The following SETD5 variants were observed in gnomAD, a reference collection of about 807,000 sequenced individuals.
SETD5 encodes histone-lysine N-methyltransferase SETD5.
A neutral mutation model predicts 153.3 loss-of-function variants in SETD5; 44 were observed. The observed-to-expected ratio is 0.29, with a 90% confidence interval of 0.23 to 0.37. The LOEUF is 0.37. Among genes scored for constraint, SETD5 ranks in the 10% least tolerant of loss-of-function variants. The pLI is 1.00. For missense variants in SETD5, 1,544 were observed against 1,768.0 expected (o/e 0.87, Z 2.27); for synonymous variants, 716 against 645.2 (o/e 1.11, Z -1.66).
At position 9,448,368 on chromosome 3, in the gene SETD5, T is replaced by A; in HGVS notation, c.2104-20T>A. ...TGCTACCTCTTGATTTATAAACTAA[T>A]GATCTCTTTTTTACCTTAGTATCTA... On this transcript the variant is annotated intron_variant, in intron 15 of 22. Coordinates refer to ENST00000402198, the MANE Select transcript of SETD5 (RefSeq NM_001080517.3). The A allele has an allele frequency of 1.2e-6, 2 of 1,611,736 alleles. No individual in the cohort carries two copies. The highest frequency in any genetic ancestry group is 1.7e-6 in the Non-Finnish European group (2 of 1,178,424).
At chr3:9,424,186 A>C (rs2038817795) in intron 1 of SETD5, among the ~76,000 whole-genome samples, 1 of 152,196 alleles carries the variant, frequency 6.6e-6, no homozygotes, top group South Asian at 2.1e-4. Context: ...GATAATTCTA[A>C]TTTGAAGGAA....
At chr3:9,466,664 G>T (rs2044619944) in intron 18 of SETD5, among the ~76,000 whole-genome samples, 1 of 152,232 alleles carries the variant, frequency 6.6e-6, no homozygotes, top group African/African-American at 2.4e-5. Flanking sequence ...AGTACAGAGA[G>T]GTGGGGAGCC....
chr3:9,453,860 A>C lies in SETD5; in HGVS notation c.2468A>C (p.Asp823Ala). The part of the protein sequence containing the change: ...ENSSSSSICK[D>A]NADLLSPLKK... ...AGTAGCTCTTCTAGTATCTGCAAAG[A>C]CAATGCAGGTACGTATCTAAAACCT... Residue 823 changes from aspartate (D) to alanine (A), a missense_variant, in exon 17 of 23, where the codon GAC (aspartate) becomes GCC (alanine). Coordinates refer to ENST00000402198, the MANE Select transcript of SETD5 (RefSeq NM_001080517.3). 6.3e-7 allele frequency: 1 copy of C among 1,579,762 alleles called. No homozygotes were observed. Among genetic ancestry groups the C allele is most frequent in the Non-Finnish European group, 8.6e-7 (1 of 1,169,432 alleles).
At chr3:9,435,671 C>G in intron 6 of SETD5, 57 bp from the exon 7 acceptor site, 2 of 1,441,630 alleles carry the variant, frequency 1.4e-6, no homozygotes. Context: ...GAATAAGCTA[C>G]TTTTAATGTA....
At chr3:9,456,094 AG>A (rs2043204172) in intron 17 of SETD5, among the ~76,000 whole-genome samples, 1 of 152,196 alleles carries the variant, frequency 6.6e-6, no homozygotes, top group African/African-American at 2.4e-5. Flanking sequence ...ACATTAAGAA[AG>A]GGGAAAGGAT....
intron 1 of SETD5, among the ~76,000 whole-genome samples, chr3:9,411,141 G>A (rs1019159529): frequency 6.6e-6 from 1 of 152,026 alleles, no homozygotes; most frequent in Non-Finnish European, 1.5e-5. Context: ...CACCGCACCT[G>A]GCCAAAATTC....
At chr3:9,407,568 CCAAGGGAGATGA>C (rs950587017) in intron 1 of SETD5, among the ~76,000 whole-genome samples, 4 of 152,006 alleles carry the variant, frequency 2.6e-5, no homozygotes, top group Non-Finnish European at 5.9e-5. Context: ...ACTATGCCAG[CCAAGGGAGATGA>C]AAAACAATTT....
rs140249010 is a variant in SETD5 at position 9,474,260 on chromosome 3, GGTT to G, written c.3498-181_3498-179del. 0.01 allele frequency among the ~76,000 whole-genome samples: 1,593 copies of G among 152,270 alleles called. 34 individuals are homozygous for G. The highest frequency in any genetic ancestry group is 0.036 in the African/African-American group (1,489 of 41,558). On this transcript the variant is annotated intron_variant, in intron 20 of 22. Coordinates refer to ENST00000402198, the MANE Select transcript of SETD5 (RefSeq NM_001080517.3). The stretch of plus-strand genomic sequence containing the variant: ...CCTTGATTTCTTTTTCTTTAAAAGT[GGTT>G]GTTGTTGATGTTTCTCTTTTGTGCC...
chr3:9,399,915 A>G (rs2034484944), intron 1 of SETD5, among the ~76,000 whole-genome samples: 1 of 151,836 alleles, frequency 6.6e-6, no homozygotes, highest in East Asian at 1.9e-4. Flanking sequence ...GGGTGAGTAT[A>G]CAAGGCAGCA....
Position 9,440,707 on chromosome 3 carries a change from C to A in SETD5, c.810+9C>A. 6.2e-7 allele frequency: 1 copy of A among 1,610,976 alleles called. No homozygotes were observed. The highest frequency in any genetic ancestry group is 8.5e-7 in the Non-Finnish European group (1 of 1,178,552). Reference sequence around the variant, plus strand: ...TTGGTTCCCAAATGCAGGTAAGCACCAAAGGGTTGAGGACTCTCTAAGTAG... The same window carrying A: ...TTGGTTCCCAAATGCAGGTAAGCACAAAAGGGTTGAGGACTCTCTAAGTAG... On this transcript the variant is annotated intron_variant, in intron 8 of 22. Coordinates refer to ENST00000402198, the MANE Select transcript of SETD5 (RefSeq NM_001080517.3).
intron 6 of SETD5, 30 bp from the exon 7 acceptor site, chr3:9,435,698 T>C: frequency 6.5e-7 from 1 of 1,538,300 alleles, no homozygotes; most frequent in African/African-American, 1.4e-5. Flanking sequence ...AGGCTATTAG[T>C]ACCTGAACTA....
Position 9,475,483 on chromosome 3 carries a change from C to T in SETD5, c.3721C>T (p.Leu1241Phe). 6 of 1,607,390 alleles carry T rather than the reference C, an allele frequency of 3.7e-6. No homozygotes were observed. Among genetic ancestry groups the T allele is most frequent in the Non-Finnish European group, 5.1e-6 (6 of 1,174,764 alleles). ...TTCGTTTCCTCCCAACTTTGTCTAG[C>T]TCCTGCAGTGTGATAGTCCTCGGAC... ...VYSPSRYSYQ[L>F]LQCDSPRTES... Residue 1241 changes from leucine to phenylalanine, a missense_variant and splice_region_variant, in exon 23 of 23, where the codon CTC becomes TTC. By Grantham distance (22) the Leu-to-Phe change is conservative. Transcript: ENST00000402198.
intron 17 of SETD5, among the ~76,000 whole-genome samples, chr3:9,458,693 A>C (rs2043555363): frequency 6.6e-6 from 1 of 152,208 alleles, no homozygotes; most frequent in Admixed American, 6.5e-5. Context: ...GGATTAGTAC[A>C]TTGGGGAAAG....
At chr3:9,435,932 TA>T in intron 7 of SETD5, 26 bp downstream of exon 7, 2 of 1,538,916 alleles carry the variant, frequency 1.3e-6, no homozygotes, top group Non-Finnish European at 1.7e-6. Context: ...ATATCTTAAA[TA>T]GAAATTGTCT....
intron 11 of SETD5, among the ~76,000 whole-genome samples, 158 bp from the exon 12 acceptor site, chr3:9,444,890 A>G (rs2041753255): frequency 6.6e-6 from 1 of 152,180 alleles, no homozygotes. Flanking sequence ...AAAAAGAAAA[A>G]CAAAAGTATT....
At position 9,434,852 on chromosome 3, in the gene SETD5, C is replaced by T. The variant is rs2125100487; in HGVS notation, c.358C>T (p.Leu120Phe). Reference sequence around the variant, plus strand: ...AATGAGCAGGGGGAAGGTTATTAGACTTCATCGGCGGAAGCAGGACAACAT... The same window carrying T: ...AATGAGCAGGGGGAAGGTTATTAGATTTCATCGGCGGAAGCAGGACAACAT... ...RGMSRGKVIR[L>F]HRRKQDNISG... is the part of the protein sequence containing the mutation. Residue 120 changes from leucine (L) to phenylalanine (F), a missense_variant, in exon 6 of 23, where the codon CTT becomes TTT. Leu to Phe is a conservative substitution (Grantham distance 22). This residue lies in a region of SETD5 where 251 missense variants were observed against 326.9 expected (regional missense o/e 0.77). Transcript: ENST00000402198. The surrounding 1 kb of genome is among the most constrained non-coding windows in gnomAD (Gnocchi z 5.6). 3 of 1,613,578 alleles carry T rather than the reference C, an allele frequency of 1.9e-6. No individual in the cohort carries two copies. Among genetic ancestry groups the T allele is most frequent in the African/African-American group, 1.3e-5 (1 of 75,026 alleles).
Position 9,443,432 on chromosome 3 carries a change from A to G in SETD5, c.1187+15A>G. 7.7e-7 allele frequency: 1 copy of G among 1,300,226 alleles called. No individual in the cohort carries two copies. Among genetic ancestry groups the G allele is most frequent in the Non-Finnish European group, 1.0e-6 (1 of 997,232 alleles). 80.5% of individuals were successfully genotyped at this position (1,300,226 alleles called of 1,614,324 possible). A position where few individuals can be genotyped will look rare whatever the true frequency, so the allele number is the denominator to read the frequency against. On this transcript the variant is annotated intron_variant, in intron 11 of 22. Coordinates refer to ENST00000402198, the MANE Select transcript of SETD5 (RefSeq NM_001080517.3). ...TATAGTAACTGGTAAGACCTCAGAAACCTTTCCTAACAGGAATATCCATGT... is the reference window on the plus strand; with the variant it reads ...TATAGTAACTGGTAAGACCTCAGAAGCCTTTCCTAACAGGAATATCCATGT...
intron 1 of SETD5, among the ~76,000 whole-genome samples, chr3:9,420,667 C>G (rs1051533460): frequency 6.6e-6 from 1 of 152,146 alleles, no homozygotes; most frequent in East Asian, 1.9e-4. Context: ...GTCCCGAACC[C>G]CTAAAATTCT....
At position 9,434,733 on chromosome 3, in the gene SETD5, G is replaced by C; in HGVS notation, c.330-91G>C. ...AACATTTGGTAGGTGGGAGGGAGGG[G>C]GTAGCATATGCAGAGACACTTCGCC... is the stretch of plus-strand genomic sequence containing the variant. On this transcript the variant is annotated intron_variant, in intron 5 of 22. Coordinates refer to ENST00000402198, the MANE Select transcript of SETD5 (RefSeq NM_001080517.3). The surrounding 1 kb of genome is among the most constrained non-coding windows in gnomAD (Gnocchi z 5.6). The C allele has an allele frequency of 6.7e-7, 1 of 1,482,028 alleles. No homozygotes were observed. The highest frequency in any genetic ancestry group is 9.0e-7 in the Non-Finnish European group (1 of 1,107,994). The allele number at this position is 1,482,028 out of a possible 1,614,324, so 91.8% of individuals were successfully genotyped here. A position where few individuals can be genotyped will look rare whatever the true frequency, so the allele number is the denominator to read the frequency against.
Sources: allele counts gnomAD v4.1 joint callset (sites outside exome capture counted in the v4.1 genomes callset), GRCh38; gene constraint gnomAD v4.1.1; regional missense constraint gnomAD v4.1.1; non-coding constraint Gnocchi (gnomAD v3.1); transcripts MANE v1.5; gene names NCBI Gene and HGNC (gene_info 2026-07-23, HGNC 2026-07-21).